Variants in HDX observed in about 807,000 individuals in gnomAD.
The protein encoded by HDX is highly divergent homeobox.
HDX carries 19 observed loss-of-function variants against 45.2 expected under a neutral mutation model. That is an observed-to-expected ratio of 0.42 (90% CI 0.29 to 0.62). The LOEUF is 0.62. Among genes scored for constraint, HDX ranks in the 20% least tolerant of loss-of-function variants. The pLI is 0.20. For missense variants in HDX, 532 were observed against 493.9 expected (o/e 1.08, Z -0.73); for synonymous variants, 188 against 172.8 (o/e 1.09, Z -0.69).
intron 7 of HDX, among the ~76,000 whole-genome samples, chrX:84,337,599 A>G (rs776064124): frequency 9.0e-6 from 1 of 111,699 alleles, no homozygotes; most frequent in South Asian, 3.7e-4. Context: ...GTATGTGTGT[A>G]CAAACACACA....
chrX:84,361,615 GA>G lies in HDX; in HGVS notation c.1306-4del. On this transcript the variant is annotated splice_polypyrimidine_tract_variant and splice_region_variant and intron_variant, in intron 5 of 10. Transcript: ENST00000373177. ...CTGAACTGAGTGCGGTCCTGTAGCTGAAAAACACATTTTTAAATTGTTTTGA... is the reference window on the plus strand; with the variant it reads ...CTGAACTGAGTGCGGTCCTGTAGCTGAAAACACATTTTTAAATTGTTTTGA... 8.7e-7 allele frequency: 1 copy of G among 1,151,805 alleles called. No homozygotes were observed. Among genetic ancestry groups the G allele is most frequent in the Non-Finnish European group, 1.2e-6 (1 of 861,529 alleles). The allele number at this position is 1,151,805 out of a possible 1,213,427, so 94.9% of individuals were successfully genotyped here.
At chrX:84,468,005 A>G (rs998017678) in intron 4 of HDX, among the ~76,000 whole-genome samples, 8 of 111,675 alleles carry the variant, frequency 7.2e-5, no homozygotes, top group Admixed American at 2.9e-4. Flanking sequence ...CTGAGTTACC[A>G]TAGCCTCTGA....
At chrX:84,448,447 T>A (rs981324157) in intron 4 of HDX, among the ~76,000 whole-genome samples, 2 of 111,001 alleles carry the variant, frequency 1.8e-5, no homozygotes, top group Non-Finnish European at 3.8e-5. Flanking sequence ...CTGAGGCCCA[T>A]CTGAATGTCT....
chrX:84,342,264 A>G (rs527403559), intron 7 of HDX, among the ~76,000 whole-genome samples: 48 of 111,899 alleles, frequency 4.3e-4, no homozygotes, highest in African/African-American at 1.5e-3. Context: ...AATTTAATAC[A>G]ATGCCAAGAA....
At chrX:84,406,930 G>A (rs191785102) in intron 5 of HDX, among the ~76,000 whole-genome samples, 4 of 109,241 alleles carry the variant, frequency 3.7e-5, no homozygotes, top group East Asian at 5.7e-4. Flanking sequence ...ATTTTTGAGC[G>A]GGTGAAAAAA....
Position 84,319,778 on chromosome X carries a change from T to A in HDX, c.*2111A>T, listed in dbSNP as rs1454505292. Reference sequence around the variant, plus strand: ...TATGGTTTATTAATATCATAGAAGATGTTAAAAAGAAATAATTATTTGTGA... The same window carrying A: ...TATGGTTTATTAATATCATAGAAGAAGTTAAAAAGAAATAATTATTTGTGA... On this transcript the variant is annotated 3_prime_UTR_variant, in exon 11 of 11. Transcript: ENST00000373177. 1 of 111,259 alleles carries A rather than the reference T, an allele frequency of 9.0e-6. No homozygotes were observed. Among genetic ancestry groups the A allele is most frequent in the African/African-American group, 3.2e-5 (1 of 30,776 alleles). 9.2% of individuals were successfully genotyped at this position (111,259 alleles called of 1,213,427 possible).
intron 5 of HDX, among the ~76,000 whole-genome samples, chrX:84,412,021 T>C (rs1316861070): frequency 9.0e-6 from 1 of 111,717 alleles, no homozygotes; most frequent in Non-Finnish European, 1.9e-5. Flanking sequence ...CTTGGTAGAT[T>C]TTTATCCATC....
chrX:84,497,203 G>A (rs181697435), intron 1 of HDX, among the ~76,000 whole-genome samples: 138 of 111,581 alleles, frequency 1.2e-3, no homozygotes, highest in Admixed American at 1.9e-3. Context: ...ACCTAGTCTC[G>A]AGAAGTTCTT....
At chrX:84,497,269 G>T (rs2041021772) in intron 1 of HDX, among the ~76,000 whole-genome samples, 1 of 111,552 alleles carries the variant, frequency 9.0e-6, no homozygotes, top group Non-Finnish European at 1.9e-5. Flanking sequence ...CAAATTTTCG[G>T]TCTATGAAAG....
At chrX:84,363,813 T>C (rs761396884) in intron 5 of HDX, among the ~76,000 whole-genome samples, 13 of 111,893 alleles carry the variant, frequency 1.2e-4, no homozygotes, top group Non-Finnish European at 1.7e-4. Flanking sequence ...TGTTTTTCTA[T>C]TGGACTCTCA....
chrX:84,442,234 A>G (rs1209965840), intron 4 of HDX, among the ~76,000 whole-genome samples: 1 of 111,359 alleles, frequency 9.0e-6, no homozygotes, highest in Non-Finnish European at 1.9e-5. Context: ...TAAAATATTT[A>G]ATGTTTTTCA....
Position 84,365,622 on chromosome X carries a change from G to A in HDX, c.1306-4010C>T, listed in dbSNP as rs765084672. On this transcript the variant is annotated intron_variant, in intron 5 of 10. Transcript: ENST00000373177. ...CAGAAATAAATAGGCATTGTGTTTGGTGCCCATGATATAAAGAGCTATTTT... is the reference window on the plus strand; with the variant it reads ...CAGAAATAAATAGGCATTGTGTTTGATGCCCATGATATAAAGAGCTATTTT... Among the ~76,000 whole-genome samples the A allele has an allele frequency of 2.6e-3, 286 of 111,398 alleles. 2 individuals are homozygous for A. Among genetic ancestry groups the A allele is most frequent in the African/African-American group, 9.0e-3 (277 of 30,678 alleles).
In HDX at chrX:84,448,400, G is replaced by A. The variant is rs188265774; in HGVS notation, c.1252-7815C>T. 2.5e-4 allele frequency among the ~76,000 whole-genome samples: 27 copies of A among 106,141 alleles called. 1 individual carries two copies. Among genetic ancestry groups the A allele is most frequent in the Non-Finnish European group, 3.8e-4 (19 of 49,836 alleles). The allele number at this position is 106,141 out of a possible 115,157, so 92.2% of individuals were successfully genotyped here. ...ACCAGTGCCAGAGTATACTGCCCTG[G>A]GGCCCAAGGACAAGCAGACTCAGCT... On this transcript the variant is annotated intron_variant, in intron 4 of 10. Coordinates refer to ENST00000373177, the MANE Select transcript of HDX (RefSeq NM_001177479.2).
intron 5 of HDX, among the ~76,000 whole-genome samples, chrX:84,376,466 A>G (rs2092545): frequency 0.11 from 12,040 of 111,323 alleles, 626 homozygotes; most frequent in East Asian, 0.26. Context: ...TGACTCTTCT[A>G]TGAAATTTCT....
chrX:84,454,433 C>T lies in HDX; in HGVS notation c.1252-13848G>A, dbSNP rs980179970. On this transcript the variant is annotated intron_variant, in intron 4 of 10. Transcript: ENST00000373177. ...ACCTTGAGTGAACACTGGTAGTAGC[C>T]AGGCAGTCTTTGCCACGGGCCTGAG... Among the ~76,000 whole-genome samples, 3 of 111,344 alleles carry T rather than the reference C, an allele frequency of 2.7e-5. No homozygotes were observed. In the Admixed American group the frequency reaches 2.8e-4, roughly 11 times the overall value.
chrX:84,349,108 G>A (rs2147812394), intron 6 of HDX, among the ~76,000 whole-genome samples: 1 of 110,633 alleles, frequency 9.0e-6, no homozygotes, highest in African/African-American at 3.3e-5. Context: ...TTACAGTTTA[G>A]GTTTTCCTGC....
intron 1 of HDX, among the ~76,000 whole-genome samples, chrX:84,493,924 G>A (rs2040946876): frequency 9.0e-6 from 1 of 111,275 alleles, no homozygotes; most frequent in South Asian, 3.7e-4. Flanking sequence ...TCCATGATGT[G>A]ATTATTATGC....
chrX:84,445,824 T>TTTC (rs936361540), intron 4 of HDX, among the ~76,000 whole-genome samples: 1 of 111,982 alleles, frequency 8.9e-6, no homozygotes, highest in African/African-American at 3.2e-5. Flanking sequence ...CATATGAATT[T>TTTC]TTCTTCTATT....
intron 4 of HDX, among the ~76,000 whole-genome samples, chrX:84,450,962 G>C (rs770074801): frequency 9.0e-6 from 1 of 111,721 alleles, no homozygotes; most frequent in Non-Finnish European, 1.9e-5. Flanking sequence ...AGAAATTAAA[G>C]AGAAAATTTT....
Sources: gnomAD v4.1 joint callset for allele counts (sites outside exome capture counted in the v4.1 genomes callset) on GRCh38, gnomAD v4.1.1 for gene constraint, MANE v1.5 for transcripts, NCBI Gene and HGNC (gene_info 2026-07-23, HGNC 2026-07-21) for gene names.